The following VAPA variants were observed in gnomAD, a reference collection of about 807,000 sequenced individuals.
VAPA encodes VAMP associated protein A, also known as vesicle-associated membrane protein-associated protein A.
VAPA carries 6 observed loss-of-function variants against 25.6 expected under a neutral mutation model. The ratio of observed to expected loss-of-function variants is 0.23; its 90% confidence interval spans 0.13 to 0.46. The LOEUF is 0.46. VAPA is among the 20% of genes least tolerant of loss of function. The pLI is 0.99. For missense variants in VAPA, 244 were observed against 302.1 expected (o/e 0.81, Z 1.43); for synonymous variants, 112 against 106.2 (o/e 1.05, Z -0.34).
chr18:9,941,925 A>G (rs886367962), intron 4 of VAPA, among the ~76,000 whole-genome samples: 10 of 152,226 alleles, frequency 6.6e-5, no homozygotes, highest in African/African-American at 2.2e-4. Flanking sequence ...TAGAGTAGAA[A>G]ATATACTTTT....
intron 4 of VAPA, among the ~76,000 whole-genome samples, chr18:9,945,269 C>A (rs968701653): frequency 2.7e-5 from 4 of 148,264 alleles, no homozygotes; most frequent in African/African-American, 7.5e-5. Flanking sequence ...TAACTAAAAT[C>A]TATATAGTGA....
intron 4 of VAPA, among the ~76,000 whole-genome samples, chr18:9,943,839 C>T: frequency 2.0e-5 from 2 of 100,034 alleles, no homozygotes; most frequent in Admixed American, 1.1e-4. Flanking sequence ...TGACATATTT[C>T]CCTTTTTTTT....
At chr18:9,936,527 G>A in intron 3 of VAPA, 1 of 214,464 alleles carries the variant, frequency 4.7e-6, no homozygotes, top group South Asian at 1.3e-4. Flanking sequence ...CAGGCGACAT[G>A]ACAAGACCCT....
At chr18:9,936,855 A>T in intron 3 of VAPA, 131 bp from the exon 4 acceptor site, 1 of 640,074 alleles carries the variant, frequency 1.6e-6, no homozygotes, top group Non-Finnish European at 2.8e-6. Flanking sequence ...CAGGGTGATC[A>T]ATAAAGAGTG....
intron 1 of VAPA, 111 bp downstream of exon 1, chr18:9,914,446 C>G (rs2069092664): frequency 1.1e-6 from 1 of 903,690 alleles, no homozygotes. Context: ...AGCGCCCCCT[C>G]CCCCACGCCC....
rs1356068060 is a variant in VAPA, at chr18:9,950,557, C to T, written c.580C>T (p.Arg194Trp). 20 of 1,612,240 alleles carry T rather than the reference C, an allele frequency of 1.2e-5. No individual in the cohort carries two copies. Among genetic ancestry groups the T allele is most frequent in the Non-Finnish European group, 1.6e-5 (19 of 1,179,604 alleles). ...GEMMKLSEEN[R>W]HLRDEGLRLR... The stretch of plus-strand genomic sequence containing the variant: ...AATGATGAAGCTATCAGAAGAAAAT[C>T]GGCACCTGAGAGTAAGTTCTGTTGG... The change falls in exon 5 of 6, where the codon CGG (arginine) becomes TGG (tryptophan). Residue 194 changes from arginine to tryptophan, a missense_variant. By Grantham distance (101) the Arg-to-Trp change is moderately radical. This residue lies in a region of VAPA where 145 missense variants were observed against 140.6 expected (regional missense o/e 1.03). Transcript: ENST00000400000.
At chr18:9,922,717 GA>G (rs1047022291) in intron 1 of VAPA, among the ~76,000 whole-genome samples, 8 of 151,976 alleles carry the variant, frequency 5.3e-5, no homozygotes, top group African/African-American at 1.7e-4. Flanking sequence ...GCAACTAATT[GA>G]GAGAAAAAAG....
chr18:9,914,569 C>CG lies in VAPA; in HGVS notation c.79+238dup, dbSNP rs2069094558. ...CCCTCGCTGCGGTGCGCGCGCCGGC[C>CG]GGGGCGAGGCGGAGGGGAGCCCGGC... On this transcript the variant is annotated intron_variant, in intron 1 of 5. Transcript: ENST00000400000. 3 of 200,716 alleles carry CG rather than the reference C, an allele frequency of 1.5e-5. No homozygotes were observed. In the East Asian group the frequency reaches 3.5e-4, roughly 23 times the overall value. The allele number at this position is 200,716 out of a possible 1,614,324, so 12.4% of individuals were successfully genotyped here.
intron 1 of VAPA, among the ~76,000 whole-genome samples, chr18:9,925,761 A>G (rs1297420981): frequency 2.0e-5 from 3 of 152,182 alleles, no homozygotes; most frequent in South Asian, 2.1e-4. Flanking sequence ...AGTGCTTGAT[A>G]CTTATTTCAG....
intron 4 of VAPA, among the ~76,000 whole-genome samples, chr18:9,941,601 G>A (rs537723109): frequency 6.6e-6 from 1 of 151,702 alleles, no homozygotes; most frequent in South Asian, 2.1e-4. Flanking sequence ...TGATAAAACT[G>A]GTTAAAAAAA....
Position 9,960,000 on chromosome 18 carries a change from CAAAAT to C in VAPA, c.*5793_*5797del, listed in dbSNP as rs542880756. ...CATGAAAACAAATACAAACGAGAAT[CAAAAT>C]AAAGTTTTGCAAAGTATTTCTTTGG... On this transcript the variant is annotated 3_prime_UTR_variant, in exon 6 of 6. Coordinates refer to ENST00000400000, the MANE Select transcript of VAPA (RefSeq NM_194434.3). 3.0e-4 allele frequency: 46 copies of C among 152,074 alleles called. No homozygotes were observed. The highest frequency in any genetic ancestry group is 1.2e-3 in the South Asian group (6 of 4,826). The allele number at this position is 152,074 out of a possible 1,614,324, so 9.4% of individuals were successfully genotyped here.
Position 9,936,093 on chromosome 18 carries a change from C to CT in VAPA, c.233-10dup, listed in dbSNP as rs1394042066. ...CATGCAGGAGACAATATAATATATC[C>CT]TTTTTTTCTTATTTAGTAATGCTAC... On this transcript the variant is annotated splice_polypyrimidine_tract_variant and intron_variant, in intron 2 of 5. Coordinates refer to ENST00000400000, the MANE Select transcript of VAPA (RefSeq NM_194434.3). The CT allele has an allele frequency of 1.3e-6, 2 of 1,550,590 alleles. No individual in the cohort carries two copies. Among genetic ancestry groups the CT allele is most frequent in the Middle Eastern group, 1.8e-4 (1 of 5,586 alleles).
At chr18:9,929,097 T>C (rs1279003826) in intron 1 of VAPA, among the ~76,000 whole-genome samples, 2 of 152,210 alleles carry the variant, frequency 1.3e-5, no homozygotes, top group Admixed American at 1.3e-4. Context: ...AGAATAGTCT[T>C]CAGTAATAGT....
chr18:9,923,780 C>T (rs2069176762), intron 1 of VAPA: 1 of 152,100 alleles, frequency 6.6e-6, no homozygotes, highest in Non-Finnish European at 1.5e-5. Context: ...TGAATTTTTT[C>T]AGTTTTTTCT....
At chr18:9,932,378 A>G (rs1028277736) in intron 2 of VAPA, among the ~76,000 whole-genome samples, 1 of 152,190 alleles carries the variant, frequency 6.6e-6, no homozygotes, top group South Asian at 2.1e-4. Context: ...TTTTTTGCCT[A>G]CTGTGTCAAA....
At chr18:9,931,484 C>T (rs1300126190) in intron 1 of VAPA, among the ~76,000 whole-genome samples, 2 of 152,088 alleles carry the variant, frequency 1.3e-5, no homozygotes, top group Non-Finnish European at 2.9e-5. Context: ...CTGGGAAATT[C>T]TGTTATTTTC....
rs776883870 is a variant in VAPA at position 9,959,451 on chromosome 18, C to G, written c.*5240C>G. Reference sequence around the variant, plus strand: ...TTCCTAAACAAGAGTGTGTGTTACTCTAAGAAGAAGGCTATAGAATTTATG... The same window carrying G: ...TTCCTAAACAAGAGTGTGTGTTACTGTAAGAAGAAGGCTATAGAATTTATG... On this transcript the variant is annotated 3_prime_UTR_variant, in exon 6 of 6. Coordinates refer to ENST00000400000, the MANE Select transcript of VAPA (RefSeq NM_194434.3). The G allele has an allele frequency of 6.6e-6, 1 of 152,020 alleles. No individual in the cohort carries two copies. The highest frequency in any genetic ancestry group is 1.5e-5 in the Non-Finnish European group (1 of 67,994). 9.4% of individuals were successfully genotyped at this position (152,020 alleles called of 1,614,324 possible). A position where few individuals can be genotyped will look rare whatever the true frequency, so the allele number is the denominator to read the frequency against.
In VAPA at chr18:9,914,255, C is replaced by A. The variant is rs759969012; in HGVS notation, c.-2C>A. 2 of 1,581,186 alleles carry A rather than the reference C, an allele frequency of 1.3e-6. No individual in the cohort carries two copies. The highest frequency in any genetic ancestry group is 8.6e-7 in the Non-Finnish European group (1 of 1,165,666). Reference sequence around the variant, plus strand: ...GCGCCCCCGCTCTGCGCTGTCTCTCCGATGGCGTCCGCCTCAGGGGCCATG... The same window carrying A: ...GCGCCCCCGCTCTGCGCTGTCTCTCAGATGGCGTCCGCCTCAGGGGCCATG... On this transcript the variant is annotated 5_prime_UTR_variant, in exon 1 of 6. Coordinates refer to ENST00000400000, the MANE Select transcript of VAPA (RefSeq NM_194434.3).
At chr18:9,928,292 G>A (rs1405786509) in intron 1 of VAPA, among the ~76,000 whole-genome samples, 1 of 151,892 alleles carries the variant, frequency 6.6e-6, no homozygotes, top group African/African-American at 2.4e-5. Context: ...CAGTTTTTCT[G>A]AAAAAACATT....
Sources: gnomAD v4.1 joint callset for allele counts (sites outside exome capture counted in the v4.1 genomes callset) on GRCh38, gnomAD v4.1.1 for gene constraint, gnomAD v4.1.1 regional missense constraint, MANE v1.5 for transcripts, NCBI Gene and HGNC (gene_info 2026-07-23, HGNC 2026-07-21) for gene names.